The following ATP4B variants were observed in gnomAD, a reference collection of about 807,000 sequenced individuals.
ATP4B encodes ATPase H+/K+ transporting subunit beta.
A neutral mutation model predicts 35.3 loss-of-function variants in ATP4B; 27 were observed. The observed-to-expected ratio is 0.76, with a 90% CI of 0.56 to 1.05. The LOEUF is 1.05. Among genes scored for constraint, ATP4B ranks in the 50% least tolerant of loss-of-function variants. ATP4B has a pLI of 0.00. For missense variants in ATP4B, 375 were observed against 384.8 expected (o/e 0.97, Z 0.21); for synonymous variants, 162 against 156.0 (o/e 1.04, Z -0.29).
At chr13:113,657,602 G>A (rs975658894) in intron 1 of ATP4B, among the ~76,000 whole-genome samples, 9 of 152,242 alleles carry the variant, frequency 5.9e-5, no homozygotes, top group Non-Finnish European at 1.3e-4. Flanking sequence ...ACGCCAGCGG[G>A]TGTCCCGGAA....
chr13:113,654,304 C>T lies in ATP4B; in HGVS notation c.241+510G>A, dbSNP rs371487258. On this transcript the variant is annotated intron_variant, in intron 2 of 6. Coordinates refer to ENST00000335288, the MANE Select transcript of ATP4B (RefSeq NM_000705.4). ...CACTTGCTCTGCACACCGATGGGGA[C>T]GTCTGTCCTGTGGCCTCTGACGACT... Among the ~76,000 whole-genome samples the T allele has an allele frequency of 9.8e-5, 15 of 152,306 alleles. No individual in the cohort carries two copies. In the East Asian group the frequency reaches 2.3e-3, roughly 24 times the overall value.
At chr13:113,655,135 C>A (rs1206017408) in intron 1 of ATP4B, among the ~76,000 whole-genome samples, 193 bp from the exon 2 acceptor site, 1 of 152,216 alleles carries the variant, frequency 6.6e-6, no homozygotes, top group Non-Finnish European at 1.5e-5. Flanking sequence ...GCACCACCGG[C>A]CACGTTCTGC....
intron 4 of ATP4B, 198 bp downstream of exon 4, chr13:113,652,675 C>T (rs1341399087): frequency 1.2e-5 from 8 of 693,066 alleles, no homozygotes; most frequent in Admixed American, 8.1e-5. Context: ...TGGTGTCTGA[C>T]GAGTGGTTTC....
chr13:113,652,779 C>T, intron 4 of ATP4B, 94 bp downstream of exon 4: 3 of 1,456,574 alleles, frequency 2.1e-6, no homozygotes, highest in Non-Finnish European at 2.8e-6. Context: ...GGGCAAGCCC[C>T]AGACAGGACA....
At chr13:113,651,625 A>G in intron 5 of ATP4B, 46 bp downstream of exon 5, 3 of 1,545,330 alleles carry the variant, frequency 1.9e-6, no homozygotes, top group Non-Finnish European at 1.8e-6. Context: ...GACCCTGACA[A>G]GCTCCTTTCC....
Position 113,650,279 on chromosome 13 carries a change from A to T in ATP4B, c.714+127T>A. 1 of 863,868 alleles carries T rather than the reference A, an allele frequency of 1.2e-6. No individual in the cohort carries two copies. Among genetic ancestry groups the T allele is most frequent in the Non-Finnish European group, 1.9e-6 (1 of 528,484 alleles). The allele number at this position is 863,868 out of a possible 1,614,324, so 53.5% of individuals were successfully genotyped here. A position where few individuals can be genotyped will look rare whatever the true frequency, so the allele number is the denominator to read the frequency against. On this transcript the variant is annotated intron_variant, in intron 6 of 6. Transcript: ENST00000335288. The surrounding 1 kb of genome is among the most constrained non-coding windows in gnomAD (Gnocchi z 5.0). The stretch of plus-strand genomic sequence containing the variant: ...GCTTGGGAAACACGCAGAACGTTCC[A>T]GTCAGGACCGGCTAAGTCACACCTT...
In ATP4B at chr13:113,653,544, C is replaced by G. The variant is rs1702361013; in HGVS notation, c.242-110G>C. 3.0e-5 allele frequency: 25 copies of G among 847,018 alleles called. No homozygotes were observed. The South Asian group carries it at 3.7e-4, about 13-fold the overall frequency. 52.5% of individuals were successfully genotyped at this position (847,018 alleles called of 1,614,324 possible). A position where few individuals can be genotyped will look rare whatever the true frequency, so the allele number is the denominator to read the frequency against. On this transcript the variant is annotated intron_variant, in intron 2 of 6. Coordinates refer to ENST00000335288, the MANE Select transcript of ATP4B (RefSeq NM_000705.4). ...AGAGGCGGTGGCCCAACCCAGGAGC[C>G]TCCTCGGAGTAAACTGTCTGCAGCA... is the stretch of plus-strand genomic sequence containing the variant.
In ATP4B at chr13:113,653,029, G is replaced by A. The variant is rs370218141; in HGVS notation, c.399C>T (p.Ser133=). The A allele has an allele frequency of 6.8e-5, 109 of 1,613,820 alleles. No individual in the cohort carries two copies. Among genetic ancestry groups the A allele is most frequent in the African/African-American group, 5.3e-4 (40 of 75,028 alleles). ...AACTCTCCTGGAAGAAGTACTGCTC[G>A]GAGGTGCAGTTGATGCTGTCCTCCT... ...AAQEDSINCT[S]EQYFFQESFR... Residue 133 remains serine (S), a synonymous_variant, in exon 4 of 7, where the codon TCC becomes TCT. Transcript: ENST00000335288.
Position 113,650,168 on chromosome 13 carries a change from C to CAAA in ATP4B, c.714+235_714+237dup, listed in dbSNP as rs550622048. Among the ~76,000 whole-genome samples, 1 of 99,984 alleles carries CAAA rather than the reference C, an allele frequency of 1.0e-5. No individual in the cohort carries two copies. Among genetic ancestry groups the CAAA allele is most frequent in the African/African-American group, 3.3e-5 (1 of 30,250 alleles). The allele number at this position is 99,984 out of a possible 152,430, so 65.6% of individuals were successfully genotyped here. ...CCTGGGTGACAGAGCAAGACTGTCT[C>CAAA]AAAAAAAAAAAAAAAAGTTGAAGAG... On this transcript the variant is annotated intron_variant, in intron 6 of 6. Coordinates refer to ENST00000335288, the MANE Select transcript of ATP4B (RefSeq NM_000705.4). The surrounding 1 kb of genome is among the most constrained non-coding windows in gnomAD (Gnocchi z 5.0).
rs774923362 is a variant in ATP4B at position 113,650,678 on chromosome 13, C to G, written c.613-171G>C. On this transcript the variant is annotated intron_variant, in intron 5 of 6. Coordinates refer to ENST00000335288, the MANE Select transcript of ATP4B (RefSeq NM_000705.4). This position sits in a 1 kb window ranked among gnomAD's most constrained non-coding sequence, Gnocchi z 5.0. Reference sequence around the variant, plus strand: ...CAATCTTTCTAATCAGTGCTGAGATCTCAGCAAGGATATGATTTGTTAGCA... The same window carrying G: ...CAATCTTTCTAATCAGTGCTGAGATGTCAGCAAGGATATGATTTGTTAGCA... Among the ~76,000 whole-genome samples, 7 of 152,172 alleles carry G rather than the reference C, an allele frequency of 4.6e-5. No homozygotes were observed. Among genetic ancestry groups the G allele is most frequent in the Non-Finnish European group, 8.8e-5 (6 of 68,026 alleles).
chr13:113,655,013 C>T (rs944747081), intron 1 of ATP4B, 71 bp from the exon 2 acceptor site: 33 of 1,586,466 alleles, frequency 2.1e-5, no homozygotes, highest in African/African-American at 1.1e-4. Flanking sequence ...TGGCCTTGAG[C>T]GCGTCCGTGA....
At chr13:113,655,023 A>G in intron 1 of ATP4B, 81 bp from the exon 2 acceptor site, 1 of 1,559,444 alleles carries the variant, frequency 6.4e-7, no homozygotes, top group Non-Finnish European at 8.7e-7. Flanking sequence ...CGCGTCCGTG[A>G]TGTGGCGTGA....
In ATP4B at chr13:113,650,583, G is replaced by T; in HGVS notation, c.613-76C>A. 1 of 1,168,288 alleles carries T rather than the reference G, an allele frequency of 8.6e-7. No homozygotes were observed. The allele number at this position is 1,168,288 out of a possible 1,614,324, so 72.4% of individuals were successfully genotyped here. On this transcript the variant is annotated intron_variant, in intron 5 of 6. Coordinates refer to ENST00000335288, the MANE Select transcript of ATP4B (RefSeq NM_000705.4). The surrounding 1 kb of genome is among the most constrained non-coding windows in gnomAD (Gnocchi z 5.0). ...GTGTCTGTGTGTTGCGTTTGTGTGC[G>T]TGTGTGCACACACGCGCTGTGTAGG...
At chr13:113,655,897 T>C (rs546821950) in intron 1 of ATP4B, among the ~76,000 whole-genome samples, 1 of 152,346 alleles carries the variant, frequency 6.6e-6, no homozygotes, top group African/African-American at 2.4e-5. Flanking sequence ...TGAGCTGTGA[T>C]GAGAGGCTGT....
intron 4 of ATP4B, among the ~76,000 whole-genome samples, chr13:113,652,012 T>C (rs1006333453): frequency 6.6e-6 from 1 of 150,790 alleles, no homozygotes; most frequent in Non-Finnish European, 1.5e-5. Context: ...GGCGGGGTGG[T>C]CTTAGCCCTC....
intron 4 of ATP4B, chr13:113,652,631 T>C (rs1158427952): frequency 3.3e-6 from 2 of 600,798 alleles, no homozygotes; most frequent in Non-Finnish European, 6.1e-6. Flanking sequence ...CCTGTTCAAA[T>C]GTTTCCACAT....
chr13:113,656,647 C>T (rs923060045), intron 1 of ATP4B, among the ~76,000 whole-genome samples: 2 of 152,210 alleles, frequency 1.3e-5, no homozygotes, highest in Admixed American at 1.3e-4. Flanking sequence ...CACCTGCACC[C>T]GTCCCCCAAT....
chr13:113,654,975 G>A lies in ATP4B; in HGVS notation c.113-33C>T, dbSNP rs200071037. On this transcript the variant is annotated intron_variant, in intron 1 of 6. Transcript: ENST00000335288. Reference sequence around the variant, plus strand: ...ACAAGGCAGGCACAAAATTTACCACGTCAGCCATTTTAACGCACACAATTC... The same window carrying A: ...ACAAGGCAGGCACAAAATTTACCACATCAGCCATTTTAACGCACACAATTC... The A allele has an allele frequency of 3.8e-5, 61 of 1,612,588 alleles. No homozygotes were observed. The East Asian group carries it at 4.2e-4, about 11-fold the overall frequency.
chr13:113,656,064 T>A (rs2049752344), intron 1 of ATP4B, among the ~76,000 whole-genome samples: 1 of 152,242 alleles, frequency 6.6e-6, no homozygotes, highest in East Asian at 1.9e-4. Context: ...GTGACGGCGT[T>A]CTTGTGTGGC....
Sources: allele counts gnomAD v4.1 joint callset (sites outside exome capture counted in the v4.1 genomes callset), GRCh38; gene constraint gnomAD v4.1.1; non-coding constraint Gnocchi (gnomAD v3.1); transcripts MANE v1.5; gene names NCBI Gene and HGNC (gene_info 2026-07-23, HGNC 2026-07-21).